SPATA45: variants seen among roughly 807,000 people sequenced by gnomAD.
SPATA45 encodes the protein spermatogenesis-associated protein 45.
SPATA45 carries 5 observed loss-of-function variants against 7.0 expected under a neutral mutation model. That is an observed-to-expected ratio of 0.71 (90% CI 0.37 to 1.50). The LOEUF (loss-of-function observed/expected upper bound fraction) is 1.50, where lower values mean the gene tolerates loss of function less well. Among genes scored for constraint, SPATA45 ranks in the 40% most tolerant of loss-of-function variants. The pLI, the probability that SPATA45 is intolerant of heterozygous loss-of-function variation, is 0.03. For missense variants in SPATA45, 111 were observed against 114.9 expected (o/e 0.97, Z 0.16); for synonymous variants, 40 against 38.7 (o/e 1.03, Z -0.13).
intron 1 of SPATA45, among the ~76,000 whole-genome samples, chr1:212,843,045 C>T (rs1476211476): frequency 4.6e-5 from 7 of 150,746 alleles, no homozygotes; most frequent in East Asian, 3.9e-4. Context: ...TGCAGCGAGC[C>T]GAGATTGCAC....
rs370885974 is a variant in SPATA45, at chr1:212,835,858, A to G, written c.277+15T>C. ...TCTCAAAAAAAAAAAAAAAAATCCT[A>G]TGATAACTTCTTACTTTTTGGTGGA... is the stretch of plus-strand genomic sequence containing the variant. On this transcript the variant is annotated intron_variant, in intron 2 of 2. Transcript: ENST00000332912. 13 of 1,562,012 alleles carry G rather than the reference A, an allele frequency of 8.3e-6. No individual in the cohort carries two copies. The highest frequency in any genetic ancestry group is 2.1e-5 in the Admixed American group (1 of 48,746).
intron 1 of SPATA45, among the ~76,000 whole-genome samples, chr1:212,838,589 A>C (rs1413499626): frequency 6.6e-6 from 1 of 151,872 alleles, no homozygotes; most frequent in Non-Finnish European, 1.5e-5. Context: ...GAAATTCTCC[A>C]AACACATGCA....
At chr1:212,842,089 C>T (rs1190621742) in intron 1 of SPATA45, among the ~76,000 whole-genome samples, 2 of 151,518 alleles carry the variant, frequency 1.3e-5, no homozygotes, top group East Asian at 4.0e-4. Context: ...GTTAAAAGTC[C>T]ATTTTAGGCT....
chr1:212,840,503 G>A (rs1232020223), intron 1 of SPATA45, among the ~76,000 whole-genome samples: 1 of 152,078 alleles, frequency 6.6e-6, no homozygotes, highest in Non-Finnish European at 1.5e-5. Flanking sequence ...TGTCGTCCAG[G>A]CTGGAGTGCA....
At chr1:212,833,384 C>T (rs954793034) in intron 2 of SPATA45, among the ~76,000 whole-genome samples, 1 of 151,166 alleles carries the variant, frequency 6.6e-6, no homozygotes, top group Non-Finnish European at 1.5e-5. Flanking sequence ...CCTGGCCGGG[C>T]TCAGTGGCTC....
chr1:212,836,104 C>T lies in SPATA45; in HGVS notation c.46G>A (p.Val16Ile). The T allele has an allele frequency of 6.2e-7, 1 of 1,606,526 alleles. No individual in the cohort carries two copies. Among genetic ancestry groups the T allele is most frequent in the Non-Finnish European group, 8.5e-7 (1 of 1,173,626 alleles). The change falls in exon 2 of 3, where the codon GTA becomes ATA. Residue 16 changes from valine to isoleucine, a missense_variant. By Grantham distance (29) the Val-to-Ile change is conservative. Coordinates refer to ENST00000332912, the MANE Select transcript of SPATA45 (RefSeq NM_001024601.3). ...TCCTCCAGGAGATGTTGTTTGCTTA[C>T]TCCATGTTTTTTCATTATTTCAATG... ...RTIEIMKKHG[V>I]SKQHLLEEIN...
At position 212,836,090 on chromosome 1, in the gene SPATA45, A is replaced by G. The variant is rs1663579951; in HGVS notation, c.60T>C (p.His20=). 5 of 1,607,028 alleles carry G rather than the reference A, an allele frequency of 3.1e-6. 1 individual carries two copies. The highest frequency in any genetic ancestry group is 1.7e-5 in the Admixed American group (1 of 59,874). Residue 20 remains histidine, a synonymous_variant, in exon 2 of 3, where the codon CAT becomes CAC. Coordinates refer to ENST00000332912, the MANE Select transcript of SPATA45 (RefSeq NM_001024601.3). The part of the protein sequence containing the change: ...IMKKHGVSKQ[H]LLEEINKKRE... ...GCTTTTTGTTTATCTCCTCCAGGAGATGTTGTTTGCTTACTCCATGTTTTT... is the reference window on the plus strand; with the variant it reads ...GCTTTTTGTTTATCTCCTCCAGGAGGTGTTGTTTGCTTACTCCATGTTTTT...
intron 1 of SPATA45, 66 bp from the exon 2 acceptor site, chr1:212,836,253 G>A (rs1465540685): frequency 4.8e-6 from 6 of 1,260,918 alleles, no homozygotes; most frequent in Non-Finnish European, 5.5e-6. Context: ...TCACAATCAC[G>A]TTTGCCAGTT....
intron 1 of SPATA45, among the ~76,000 whole-genome samples, chr1:212,838,500 A>G (rs1270434226): frequency 6.6e-6 from 1 of 151,610 alleles, no homozygotes; most frequent in Non-Finnish European, 1.5e-5. Flanking sequence ...AATGTCTGGA[A>G]AATAATCATG....
At chr1:212,833,275 T>C (rs1663521824) in intron 2 of SPATA45, among the ~76,000 whole-genome samples, 1 of 151,588 alleles carries the variant, frequency 6.6e-6, no homozygotes, top group Non-Finnish European at 1.5e-5. Context: ...ATATAATTCC[T>C]ATGCCTTTGC....
intron 2 of SPATA45, among the ~76,000 whole-genome samples, chr1:212,830,875 A>T (rs1041205059): frequency 7.3e-5 from 11 of 151,332 alleles, no homozygotes; most frequent in African/African-American, 2.7e-4. Flanking sequence ...CTAGCTACTC[A>T]GGAGGCTGAG....
chr1:212,839,544 G>A (rs1663642940), intron 1 of SPATA45, among the ~76,000 whole-genome samples: 1 of 150,926 alleles, frequency 6.6e-6, no homozygotes, highest in Admixed American at 6.6e-5. Context: ...CTTGAACCCA[G>A]GAGGTGGAGG....
chr1:212,841,234 C>T (rs1256929605), intron 1 of SPATA45, among the ~76,000 whole-genome samples: 1 of 152,036 alleles, frequency 6.6e-6, no homozygotes, highest in Non-Finnish European at 1.5e-5. Flanking sequence ...TCTTGGCTCA[C>T]TGCAACCTCT....
chr1:212,837,955 G>A (rs1430651209), intron 1 of SPATA45, among the ~76,000 whole-genome samples: 1 of 151,554 alleles, frequency 6.6e-6, no homozygotes, highest in Non-Finnish European at 1.5e-5. Flanking sequence ...TAAAAGGAGG[G>A]ACAATTGGAC....
At chr1:212,830,908 G>A (rs893836163) in intron 2 of SPATA45, among the ~76,000 whole-genome samples, 4 of 150,812 alleles carry the variant, frequency 2.7e-5, no homozygotes, top group Admixed American at 6.6e-5. Context: ...AGTTGAACCC[G>A]GGAGGTGGAG....
At chr1:212,841,631 C>CTT (rs5780702) in intron 1 of SPATA45, among the ~76,000 whole-genome samples, 5 of 125,222 alleles carry the variant, frequency 4.0e-5, no homozygotes, top group Admixed American at 1.6e-4. Context: ...AGGTATCTTT[C>CTT]TTTTTTTTTT....
intron 1 of SPATA45, among the ~76,000 whole-genome samples, chr1:212,845,511 C>T (rs964693377): frequency 1.3e-5 from 2 of 152,068 alleles, no homozygotes; most frequent in African/African-American, 2.4e-5. Flanking sequence ...GATAATGGAC[C>T]GGCCTTTATT....
chr1:212,832,359 CT>C (rs34934655), intron 2 of SPATA45, among the ~76,000 whole-genome samples: 932 of 57,168 alleles, frequency 0.016, 9 homozygotes, highest in African/African-American at 0.05. Context: ...GAAATCTAAG[CT>C]TTTTTTTTTT....
intron 2 of SPATA45, among the ~76,000 whole-genome samples, chr1:212,835,480 G>A (rs1358091224): frequency 1.3e-5 from 2 of 151,490 alleles, no homozygotes; most frequent in African/African-American, 4.8e-5. Flanking sequence ...CTGAGATCGT[G>A]CCATTGCACT....
Sources: gnomAD v4.1 joint callset for allele counts (sites outside exome capture counted in the v4.1 genomes callset) on GRCh38, gnomAD v4.1.1 for gene constraint, MANE v1.5 for transcripts, NCBI Gene and HGNC (gene_info 2026-07-23, HGNC 2026-07-21) for gene names.